Variants in LAMB4 observed in about 807,000 individuals in gnomAD.
LAMB4 encodes the protein laminin subunit beta-4.
In LAMB4, 196 loss-of-function variants were observed where a neutral mutation model predicts 199.2. That is an observed-to-expected ratio of 0.98 (90% confidence interval 0.88 to 1.11). The LOEUF (loss-of-function observed/expected upper bound fraction) is 1.11. LAMB4 is among the 50% of genes least tolerant of loss of function. The pLI is 0.00. For missense variants in LAMB4, 2,080 were observed against 2,171.2 expected (o/e 0.96, Z 0.83); for synonymous variants, 744 against 770.6 (o/e 0.97, Z 0.57).
At chr7:108,112,304 GT>G (rs2038255681) in intron 3 of LAMB4, among the ~76,000 whole-genome samples, 1 of 147,134 alleles carries the variant, frequency 6.8e-6, no homozygotes, top group Non-Finnish European at 1.5e-5. Context: ...ATTGGAACTA[GT>G]TTTGCTTAGG....
Position 108,123,151 on chromosome 7 carries a change from A to G in LAMB4, c.14T>C (p.Leu5Pro). The G allele has an allele frequency of 6.2e-7, 1 of 1,611,338 alleles. No homozygotes were observed. The highest frequency in any genetic ancestry group is 1.1e-5 in the South Asian group (1 of 90,450). Residue 5 changes from leucine to proline, a missense_variant, in exon 2 of 34, where the codon CTG becomes CCG. Leu to Pro is a moderately conservative substitution (Grantham distance 98, BLOSUM62 -3). Transcript: ENST00000388781. MQFQ[L>P]TLFLHLGWLS... ...CTCACCAAGGTGCAAAAAAAGGGTC[A>G]GTTGAAATTGCATTCTTTTGTCAGG...
intron 17 of LAMB4, among the ~76,000 whole-genome samples, chr7:108,071,120 T>C (rs2036518603): frequency 6.8e-6 from 1 of 146,550 alleles, no homozygotes; most frequent in Non-Finnish European, 1.5e-5. Flanking sequence ...CACATTTAAA[T>C]GTGCTCAAGT....
chr7:108,120,363 C>A (rs2038557698), intron 2 of LAMB4, among the ~76,000 whole-genome samples: 1 of 152,188 alleles, frequency 6.6e-6, no homozygotes, highest in African/African-American at 2.4e-5. Flanking sequence ...AGGCATGTAA[C>A]AGACATGGAT....
intron 18 of LAMB4, 46 bp downstream of exon 18, chr7:108,069,662 G>C: frequency 6.5e-7 from 1 of 1,549,148 alleles, no homozygotes; most frequent in Non-Finnish European, 8.8e-7. Flanking sequence ...AAAAGCATTT[G>C]TATGGATGTC....
intron 28 of LAMB4, among the ~76,000 whole-genome samples, chr7:108,047,070 T>G (rs1470665880): frequency 6.6e-6 from 1 of 152,066 alleles, no homozygotes; most frequent in African/African-American, 2.4e-5. Context: ...CCTGGCCTGT[T>G]TCCAAATTTT....
intron 28 of LAMB4, among the ~76,000 whole-genome samples, chr7:108,044,553 G>GA (rs1402261583): frequency 9.2e-5 from 14 of 152,156 alleles, no homozygotes; most frequent in African/African-American, 3.4e-4. Context: ...TAGAGAGAGA[G>GA]AAAAAACCCA....
rs1475757160 is a variant in LAMB4 at position 108,078,271 on chromosome 7, C to T, written c.1933G>A (p.Gly645Arg). Reference protein sequence around the residue: ...TVQIVVNPPGGSEHCIPKTLQ... With the variant: ...TVQIVVNPPGRSEHCIPKTLQ... ...GTCTTGGGTATGCAGTGCTCACTCC[C>T]TCCAGGGGGGTTCACCACAATCTGG... Residue 645 changes from glycine (G) to arginine (R), a missense_variant, in exon 16 of 34, where the codon GGG (glycine) becomes AGG (arginine). Coordinates refer to ENST00000388781, the MANE Select transcript of LAMB4 (RefSeq NM_007356.3). 3 of 1,611,024 alleles carry T rather than the reference C, an allele frequency of 1.9e-6. No homozygotes were observed. The highest frequency in any genetic ancestry group is 3.4e-5 in the Admixed American group (2 of 59,554).
chr7:108,129,725 C>T (rs1456439681), intron 1 of LAMB4, among the ~76,000 whole-genome samples: 3 of 151,940 alleles, frequency 2.0e-5, no homozygotes, highest in Non-Finnish European at 4.4e-5. Context: ...GATGGGGTTT[C>T]GCCATGTTGC....
intron 32 of LAMB4, among the ~76,000 whole-genome samples, chr7:108,029,771 G>T (rs2034965549): frequency 6.6e-6 from 1 of 152,136 alleles, no homozygotes; most frequent in African/African-American, 2.4e-5. Context: ...TTAAGTAGAT[G>T]AATAAAGGCC....
At chr7:108,088,108 A>G (rs2037253713) in intron 14 of LAMB4, among the ~76,000 whole-genome samples, 1 of 151,848 alleles carries the variant, frequency 6.6e-6, no homozygotes, top group African/African-American at 2.4e-5. Flanking sequence ...CAATTATGAA[A>G]TCACTTCCTT....
At chr7:108,046,342 C>T (rs1330018532) in intron 28 of LAMB4, among the ~76,000 whole-genome samples, 1 of 150,962 alleles carries the variant, frequency 6.6e-6, no homozygotes, top group Non-Finnish European at 1.5e-5. Context: ...CCACCTGCAT[C>T]GGCCTCCCAA....
At chr7:108,054,885 T>C (rs1443952697) in intron 25 of LAMB4, among the ~76,000 whole-genome samples, 1 of 152,186 alleles carries the variant, frequency 6.6e-6, no homozygotes, top group Non-Finnish European at 1.5e-5. Context: ...CAGTAATATG[T>C]AGTAAAAATG....
Position 108,065,866 on chromosome 7 carries a change from C to T in LAMB4, c.2732G>A (p.Cys911Tyr). ...NPSSGQPCRP[C>Y]LCPDDPSSNQ... ...GCTTGAGGGATCATCTGGACACAGGCAAGGACGACAGGGCTGTCCTGAAGA... is the reference window on the plus strand; with the variant it reads ...GCTTGAGGGATCATCTGGACACAGGTAAGGACGACAGGGCTGTCCTGAAGA... Residue 911 changes from cysteine to tyrosine, a missense_variant, in exon 21 of 34, where the codon TGC becomes TAC. Physicochemically the swap from Cys to Tyr is radical, Grantham distance 194. Transcript: ENST00000388781. The T allele has an allele frequency of 1.9e-6, 3 of 1,614,108 alleles. No homozygotes were observed. Among genetic ancestry groups the T allele is most frequent in the Non-Finnish European group, 2.5e-6 (3 of 1,179,980 alleles).
At chr7:108,035,220 A>G (rs1051126783) in intron 30 of LAMB4, among the ~76,000 whole-genome samples, 1 of 151,832 alleles carries the variant, frequency 6.6e-6, no homozygotes, top group African/African-American at 2.4e-5. Context: ...TCTTTTTCTT[A>G]TATTATTTTT....
At chr7:108,069,984 A>G in intron 17 of LAMB4, 99 bp from the exon 18 acceptor site, 1 of 879,904 alleles carries the variant, frequency 1.1e-6, no homozygotes, top group Non-Finnish European at 1.7e-6. Flanking sequence ...TAATGGTTCA[A>G]AGAAGACTCA....
intron 12 of LAMB4, among the ~76,000 whole-genome samples, 161 bp downstream of exon 12, chr7:108,095,067 T>C (rs896262378): frequency 7.2e-5 from 11 of 152,138 alleles, no homozygotes; most frequent in Admixed American, 7.2e-4. Flanking sequence ...GGGAGGCTGA[T>C]AGGTAGTGTT....
intron 14 of LAMB4, among the ~76,000 whole-genome samples, chr7:108,089,250 T>A (rs1032130691): frequency 6.6e-6 from 1 of 152,138 alleles, no homozygotes; most frequent in Middle Eastern, 3.2e-3. Context: ...CTGAGGTCAA[T>A]AGGGGCCCAG....
chr7:108,086,991 A>G (rs956532065), intron 14 of LAMB4, among the ~76,000 whole-genome samples: 13 of 152,170 alleles, frequency 8.5e-5, no homozygotes, highest in Admixed American at 8.5e-4. Context: ...GGTGGACTTC[A>G]GATTGTGGAG....
intron 7 of LAMB4, 79 bp from the exon 8 acceptor site, chr7:108,106,110 T>A: frequency 9.3e-7 from 1 of 1,069,930 alleles, no homozygotes; most frequent in Non-Finnish European, 1.4e-6. Flanking sequence ...GATATACACT[T>A]AATATACTAT....
Sources: gnomAD v4.1 joint callset for allele counts (sites outside exome capture counted in the v4.1 genomes callset) on GRCh38, gnomAD v4.1.1 for gene constraint, MANE v1.5 for transcripts, NCBI Gene and HGNC (gene_info 2026-07-23, HGNC 2026-07-21) for gene names.